RANBP10: variants seen among roughly 807,000 people sequenced by gnomAD.
RANBP10 encodes the protein ran-binding protein 10.
A neutral mutation model predicts 72.8 loss-of-function variants in RANBP10; 24 were observed. That is an observed-to-expected ratio of 0.33 (90% CI 0.24 to 0.46). The LOEUF (loss-of-function observed/expected upper bound fraction) is 0.46. Ranked by LOEUF, RANBP10 falls within the 20% of genes least tolerant of loss-of-function variation. The probability of loss-of-function intolerance (pLI) is 1.00; values close to 1 mark genes in which losing one functional copy is unlikely to be tolerated. For missense variants in RANBP10, 679 were observed against 817.5 expected (o/e 0.83, Z 2.07); for synonymous variants, 310 against 322.3 (o/e 0.96, Z 0.41).
chr16:67,790,293 G>A (rs773865956), intron 2 of RANBP10, among the ~76,000 whole-genome samples: 2 of 151,776 alleles, frequency 1.3e-5, no homozygotes, highest in Non-Finnish European at 2.9e-5. Flanking sequence ...CAGGGACTAG[G>A]AGGAAGGAGA....
rs564135914 is a variant in RANBP10 at position 67,726,274 on chromosome 16, A to T, written c.*154T>A. Reference sequence around the variant, plus strand: ...AGCGGGGTGGTGGGCAGAGAAAGGAAGGAAGGAAGGAAAGGGAGAGGGGGA... The same window carrying T: ...AGCGGGGTGGTGGGCAGAGAAAGGATGGAAGGAAGGAAAGGGAGAGGGGGA... On this transcript the variant is annotated 3_prime_UTR_variant, in exon 14 of 14. Coordinates refer to ENST00000317506, the MANE Select transcript of RANBP10 (RefSeq NM_020850.3). 133 of 1,137,648 alleles carry T rather than the reference A, an allele frequency of 1.2e-4. 2 individuals carry two copies. In the South Asian group the frequency reaches 1.2e-3, roughly 10 times the overall value. The allele number at this position is 1,137,648 out of a possible 1,614,324, so 70.5% of individuals were successfully genotyped here.
At chr16:67,800,079 G>A (rs1316768092) in intron 2 of RANBP10, among the ~76,000 whole-genome samples, 3 of 152,014 alleles carry the variant, frequency 2.0e-5, no homozygotes, top group Middle Eastern at 3.4e-3. Flanking sequence ...CCAAGATTGT[G>A]CCACTGCACT....
At chr16:67,794,259 G>A (rs888628543) in intron 2 of RANBP10, among the ~76,000 whole-genome samples, 5 of 151,958 alleles carry the variant, frequency 3.3e-5, no homozygotes, top group African/African-American at 9.7e-5. Context: ...CCAACATGGC[G>A]AAACCCCATC....
chr16:67,730,177 G>A lies in RANBP10; in HGVS notation c.890-131C>T. ...TCGCCAGCTTGAAATGCTCACAGGA[G>A]AGGAGGCTGGAGAAAGAACCTGACT... On this transcript the variant is annotated intron_variant, in intron 7 of 13. Coordinates refer to ENST00000317506, the MANE Select transcript of RANBP10 (RefSeq NM_020850.3). This position sits in a 1 kb window ranked among gnomAD's most constrained non-coding sequence, Gnocchi z 4.3. The A allele has an allele frequency of 1.4e-6, 1 of 737,892 alleles. No individual in the cohort carries two copies. Among genetic ancestry groups the A allele is most frequent in the Non-Finnish European group, 2.2e-6 (1 of 446,618 alleles). The allele number at this position is 737,892 out of a possible 1,614,324, so 45.7% of individuals were successfully genotyped here.
rs572935654 is a variant in RANBP10 at position 67,751,937 on chromosome 16, A to G, written c.401-7482T>C. Among the ~76,000 whole-genome samples, 103 of 152,182 alleles carry G rather than the reference A, an allele frequency of 6.8e-4. 1 individual carries two copies. In the South Asian group the frequency reaches 0.021, roughly 32 times the overall value. ...AATTTAAAAATTTTTAACTCTGGCT[A>G]TAAATATGGATTTTAAATTAAAACA... On this transcript the variant is annotated intron_variant, in intron 3 of 13. Transcript: ENST00000317506.
At chr16:67,803,830 TAAA>T (rs1186108487) in intron 2 of RANBP10, among the ~76,000 whole-genome samples, 5 of 91,596 alleles carry the variant, frequency 5.5e-5, no homozygotes, top group Non-Finnish European at 4.6e-5. Context: ...CCCATCTCAT[TAAA>T]AAAAAAAAAA....
intron 4 of RANBP10, among the ~76,000 whole-genome samples, chr16:67,741,450 A>G (rs1290095544): frequency 6.6e-6 from 1 of 152,212 alleles, no homozygotes; most frequent in African/African-American, 2.4e-5. Flanking sequence ...GGTTCAGGCA[A>G]AGATCCAGGA....
chr16:67,728,621 C>T (rs775948332), intron 10 of RANBP10, 110 bp from the exon 11 acceptor site: 5 of 1,572,436 alleles, frequency 3.2e-6, no homozygotes, highest in South Asian at 1.1e-5. Flanking sequence ...AACCGAGGAC[C>T]CCCAGGAACA....
intron 2 of RANBP10, among the ~76,000 whole-genome samples, chr16:67,778,353 T>TAA (rs377067571): frequency 1.4e-5 from 2 of 138,638 alleles, no homozygotes; most frequent in African/African-American, 5.3e-5. Context: ...CTGTCTAAAA[T>TAA]AAAAAAAAAA....
chr16:67,775,311 G>A (rs541375887), intron 2 of RANBP10, among the ~76,000 whole-genome samples: 12 of 152,024 alleles, frequency 7.9e-5, no homozygotes, highest in Admixed American at 2.6e-4. Flanking sequence ...ACTCCGCTTC[G>A]AAAAATAAAT....
chr16:67,778,368 G>C (rs1421694372), intron 2 of RANBP10, among the ~76,000 whole-genome samples: 3 of 151,840 alleles, frequency 2.0e-5, no homozygotes, highest in Non-Finnish European at 4.4e-5. Flanking sequence ...AAAAAAAGAA[G>C]TTTTTTGCTT....
At chr16:67,784,805 G>A (rs1464053267) in intron 2 of RANBP10, among the ~76,000 whole-genome samples, 1 of 150,502 alleles carries the variant, frequency 6.6e-6, no homozygotes, top group African/African-American at 2.4e-5. Context: ...GGTGACAAGA[G>A]CGAAACTCCA....
At position 67,729,346 on chromosome 16, in the gene RANBP10, G is replaced by C; in HGVS notation, c.1286C>G (p.Ser429Cys). ...GGTGGAGTCTGTTGAGTTGGACTCG[G>C]AGTAATTGACGGAGGATGGGGAAGA... ...SSSSPSSVNY[S>C]ESNSTDSTKS... Residue 429 changes from serine to cysteine, a missense_variant, in exon 10 of 14, where the codon TCC becomes TGC. Physicochemically the swap from Ser to Cys is moderately radical, Grantham distance 112. Transcript: ENST00000317506. This position sits in a 1 kb window ranked among gnomAD's most constrained non-coding sequence, Gnocchi z 7.1. 6.2e-7 allele frequency: 1 copy of C among 1,612,446 alleles called. No homozygotes were observed. The highest frequency in any genetic ancestry group is 1.1e-5 in the South Asian group (1 of 91,018).
At chr16:67,760,249 G>C (rs1035828377) in intron 3 of RANBP10, among the ~76,000 whole-genome samples, 2 of 152,212 alleles carry the variant, frequency 1.3e-5, no homozygotes, top group African/African-American at 4.8e-5. Context: ...AGGGAGGAAC[G>C]ATATCAAACA....
intron 2 of RANBP10, among the ~76,000 whole-genome samples, chr16:67,792,937 G>T (rs572193748): frequency 2.0e-5 from 3 of 151,880 alleles, no homozygotes; most frequent in African/African-American, 7.2e-5. Context: ...AGACAAAAGG[G>T]GCAGAACAGC....
intron 3 of RANBP10, among the ~76,000 whole-genome samples, chr16:67,746,072 C>T (rs936073124): frequency 2.0e-5 from 3 of 151,644 alleles, no homozygotes; most frequent in African/African-American, 7.3e-5. Flanking sequence ...AGGAGAATCA[C>T]GTGAACCCAG....
At chr16:67,767,746 A>G (rs7196166) in intron 3 of RANBP10, among the ~76,000 whole-genome samples, 21,846 of 151,856 alleles carry the variant, frequency 0.14, 3,204 homozygotes, top group African/African-American at 0.38. Context: ...ACAGGCGCCC[A>G]CCACCGCGCC....
intron 3 of RANBP10, among the ~76,000 whole-genome samples, chr16:67,758,396 A>C (rs183174594): frequency 6.6e-6 from 1 of 152,258 alleles, no homozygotes; most frequent in East Asian, 1.9e-4. Context: ...GCTCCTTTTG[A>C]GCCTCCTGGG....
chr16:67,786,137 T>C (rs1433701072), intron 2 of RANBP10, among the ~76,000 whole-genome samples: 1 of 151,480 alleles, frequency 6.6e-6, no homozygotes. Flanking sequence ...AAGACCAGCC[T>C]AGGCAACATG....
Sources: allele counts gnomAD v4.1 joint callset (sites outside exome capture counted in the v4.1 genomes callset), GRCh38; gene constraint gnomAD v4.1.1; non-coding constraint Gnocchi (gnomAD v3.1); transcripts MANE v1.5; gene names NCBI Gene and HGNC (gene_info 2026-07-23, HGNC 2026-07-21).